The following ANKS1B variants were observed in gnomAD, a reference collection of about 807,000 sequenced individuals.
ANKS1B encodes the protein ankyrin repeat and sterile alpha motif domain containing 1B, also known as ankyrin repeat and sterile alpha motif domain-containing protein 1B.
Under a neutral mutation model 148.3 loss-of-function variants are expected in ANKS1B, and 36 were observed. That is an observed-to-expected ratio of 0.24 (90% CI 0.19 to 0.32). ANKS1B has a LOEUF of 0.32. Ranked by LOEUF, ANKS1B falls within the 10% of genes least tolerant of loss-of-function variation. The pLI is 1.00. For missense variants in ANKS1B, 1,157 were observed against 1,542.6 expected (o/e 0.75, Z 4.19); for synonymous variants, 542 against 560.8 (o/e 0.97, Z 0.47).
At chr12:99,677,315 C>T (rs2098581836) in intron 8 of ANKS1B, among the ~76,000 whole-genome samples, 1 of 152,134 alleles carries the variant, frequency 6.6e-6, no homozygotes. Context: ...GTACCACTTG[C>T]CCCTCCTCCA....
At chr12:99,237,511 TAGTA>T (rs1461656346) in intron 14 of ANKS1B, among the ~76,000 whole-genome samples, 1 of 152,098 alleles carries the variant, frequency 6.6e-6, no homozygotes, top group Non-Finnish European at 1.5e-5. Flanking sequence ...AAATAATACT[TAGTA>T]AGAGTAATAT....
intron 14 of ANKS1B, among the ~76,000 whole-genome samples, chr12:99,175,640 T>C (rs1342973739): frequency 6.6e-6 from 1 of 152,132 alleles, no homozygotes; most frequent in Non-Finnish European, 1.5e-5. Context: ...AAGTACTTCA[T>C]AGTAAAAAAT....
At chr12:99,918,937 A>T (rs1443503110) in intron 1 of ANKS1B, among the ~76,000 whole-genome samples, 2 of 152,214 alleles carry the variant, frequency 1.3e-5, no homozygotes, top group Non-Finnish European at 2.9e-5. Flanking sequence ...ATTTTTGAAC[A>T]ACAGTTAACA....
intron 17 of ANKS1B, among the ~76,000 whole-genome samples, chr12:98,955,493 G>C (rs1334243328): frequency 1.3e-5 from 2 of 152,180 alleles, no homozygotes; most frequent in African/African-American, 4.8e-5. Context: ...CCAGAAGGGG[G>C]ACAAGGTGGA....
intron 1 of ANKS1B, among the ~76,000 whole-genome samples, chr12:99,848,565 C>G (rs2087114218): frequency 6.6e-6 from 1 of 152,096 alleles, no homozygotes; most frequent in African/African-American, 2.4e-5. Context: ...AGACCCTAAT[C>G]TATATAGTCC....
At chr12:99,136,547 T>C (rs909556437) in intron 15 of ANKS1B, among the ~76,000 whole-genome samples, 1 of 152,092 alleles carries the variant, frequency 6.6e-6, no homozygotes, top group African/African-American at 2.4e-5. Context: ...GTAGTGTGGG[T>C]AGAGGAATTA....
chr12:99,687,837 C>A (rs573806682), intron 8 of ANKS1B, among the ~76,000 whole-genome samples: 3 of 152,212 alleles, frequency 2.0e-5, no homozygotes, highest in South Asian at 2.1e-4. Flanking sequence ...TTATTTTTCT[C>A]CAGGTTATGG....
intron 12 of ANKS1B, among the ~76,000 whole-genome samples, chr12:99,356,412 A>G (rs2091986035): frequency 6.6e-6 from 1 of 152,120 alleles, no homozygotes; most frequent in African/African-American, 2.4e-5. Flanking sequence ...ACGCACTGGC[A>G]TTGTGCGAGC....
At chr12:99,073,608 T>C (rs1344080639) in intron 16 of ANKS1B, among the ~76,000 whole-genome samples, 1 of 151,990 alleles carries the variant, frequency 6.6e-6, no homozygotes, top group Admixed American at 6.6e-5. Flanking sequence ...GTCTTTTTCT[T>C]GTATTTCTAG....
intron 26 of ANKS1B, among the ~76,000 whole-genome samples, chr12:98,749,254 A>G (rs1357253085): frequency 6.8e-6 from 1 of 148,146 alleles, no homozygotes; most frequent in East Asian, 2.0e-4. Flanking sequence ...ACCCACCACC[A>G]CGCCCAGCTA....
At chr12:99,099,838 A>G (rs917824087) in intron 15 of ANKS1B, 5 of 152,166 alleles carry the variant, frequency 3.3e-5, no homozygotes, top group Non-Finnish European at 7.3e-5. Flanking sequence ...GTCTAAAGAG[A>G]GACCACAAAA....
At chr12:99,325,912 C>T (rs1036198133) in intron 12 of ANKS1B, among the ~76,000 whole-genome samples, 1 of 152,042 alleles carries the variant, frequency 6.6e-6, no homozygotes, top group African/African-American at 2.4e-5. Flanking sequence ...GTTTAACTGA[C>T]TCACAATTCA....
intron 9 of ANKS1B, among the ~76,000 whole-genome samples, chr12:99,647,528 T>C (rs2098382359): frequency 6.6e-6 from 1 of 152,150 alleles, no homozygotes; most frequent in Admixed American, 6.5e-5. Flanking sequence ...TCTAACCCTT[T>C]TGAAAGCAAT....
intron 1 of ANKS1B, among the ~76,000 whole-genome samples, chr12:99,936,474 C>T (rs1382528615): frequency 9.2e-5 from 14 of 152,068 alleles, no homozygotes; most frequent in Admixed American, 9.2e-4. Flanking sequence ...TGGCAAGACC[C>T]CATCTCTTAA....
chr12:99,708,447 C>T (rs2056147791), intron 8 of ANKS1B, among the ~76,000 whole-genome samples: 1 of 152,130 alleles, frequency 6.6e-6, no homozygotes, highest in Non-Finnish European at 1.5e-5. Flanking sequence ...TCTCTTTCAG[C>T]TCTGGAGGCC....
chr12:99,540,220 C>T (rs1160669776), intron 9 of ANKS1B, among the ~76,000 whole-genome samples: 2 of 152,062 alleles, frequency 1.3e-5, no homozygotes, highest in South Asian at 2.1e-4. Context: ...TAGTTGGAGA[C>T]TTCAATATCA....
intron 11 of ANKS1B, among the ~76,000 whole-genome samples, chr12:99,426,767 T>C (rs2095262885): frequency 6.6e-6 from 1 of 152,216 alleles, no homozygotes; most frequent in South Asian, 2.1e-4. Context: ...GAGACCCTTA[T>C]ATTTAACTAT....
intron 8 of ANKS1B, among the ~76,000 whole-genome samples, chr12:99,763,312 A>C (rs755775925): frequency 6.6e-6 from 1 of 152,214 alleles, no homozygotes; most frequent in Non-Finnish European, 1.5e-5. Context: ...ATGCAGCCAT[A>C]AAAAAGAATA....
At chr12:99,086,826 T>C (rs1289956394) in intron 15 of ANKS1B, among the ~76,000 whole-genome samples, 2 of 152,334 alleles carry the variant, frequency 1.3e-5, no homozygotes, top group Middle Eastern at 3.4e-3. Context: ...GTCCTACTTA[T>C]GTGTAACACA....
Sources: allele counts gnomAD v4.1 joint callset (sites outside exome capture counted in the v4.1 genomes callset), GRCh38; gene constraint gnomAD v4.1.1; transcripts MANE v1.5; gene names NCBI Gene and HGNC (gene_info 2026-07-23, HGNC 2026-07-21).